Variants in DPP6 observed in about 807,000 individuals in gnomAD.
DPP6 encodes the protein dipeptidyl peptidase like 6, also known as A-type potassium channel modulatory protein DPP6.
In DPP6, 69 loss-of-function variants were observed where a neutral mutation model predicts 122.6. The observed-to-expected ratio is 0.56, with a 90% confidence interval of 0.46 to 0.69. DPP6 has a LOEUF of 0.69. Among genes scored for constraint, DPP6 ranks in the 30% least tolerant of loss-of-function variants. The pLI, the probability that DPP6 is intolerant of heterozygous loss-of-function variation, is 0.00. For synonymous variants in DPP6, 418 were observed against 433.1 expected (o/e 0.97, Z 0.43); for missense variants, 928 against 1,116.9 (o/e 0.83, Z 2.41).
At chr7:154,779,477 A>C (rs530513127) in intron 10 of DPP6, among the ~76,000 whole-genome samples, 10 of 152,248 alleles carry the variant, frequency 6.6e-5, no homozygotes, top group African/African-American at 2.4e-4. Flanking sequence ...AACCTGTCAC[A>C]TTTACAATGA....
intron 3 of DPP6, 38 bp from the exon 4 acceptor site, chr7:154,540,493 GA>G (rs1417152025): frequency 7.9e-7 from 1 of 1,267,650 alleles, no homozygotes; most frequent in Non-Finnish European, 1.1e-6. Flanking sequence ...AGAGTTCCTT[GA>G]TGTTTCATGT....
intron 1 of DPP6, among the ~76,000 whole-genome samples, chr7:154,294,715 T>C (rs1805422246): frequency 6.6e-6 from 1 of 151,816 alleles, no homozygotes; most frequent in African/African-American, 2.4e-5. Flanking sequence ...GAAGAGGACT[T>C]GGAGCCCCAG....
rs986758846 is a variant in DPP6 at position 154,151,926 on chromosome 7, T to C, written c.243+98863T>C. On this transcript the variant is annotated intron_variant, in intron 1 of 25. Transcript: ENST00000377770. ...CCATCACCTTTGAGCATCACCTGCC[T>C]ACGAGATCAACCCCACACATTTGAG... Among the ~76,000 whole-genome samples, 649 of 142,186 alleles carry C rather than the reference T, an allele frequency of 4.6e-3. 5 individuals carry two copies. The highest frequency in any genetic ancestry group is 9.1e-3 in the African/African-American group (352 of 38,770). 93.3% of individuals were successfully genotyped at this position (142,186 alleles called of 152,430 possible). A position where few individuals can be genotyped will look rare whatever the true frequency, so the allele number is the denominator to read the frequency against.
At chr7:154,246,496 C>G (rs1801994084) in intron 1 of DPP6, among the ~76,000 whole-genome samples, 1 of 152,012 alleles carries the variant, frequency 6.6e-6, no homozygotes, top group Non-Finnish European at 1.5e-5. Flanking sequence ...AATACAAGGT[C>G]AACGAAAATT....
Position 154,582,818 on chromosome 7 carries a change from G to T in DPP6, c.627+15902G>T, listed in dbSNP as rs139349967. Among the ~76,000 whole-genome samples the T allele has an allele frequency of 1.4e-4, 22 of 152,288 alleles. 1 individual carries two copies. In the East Asian group the frequency reaches 4.2e-3, roughly 29 times the overall value. Reference sequence around the variant, plus strand: ...CCCCTCCCCACTCACTCTTCCGTGTGTCTCCCACAGAGTGGAATGAGTGCT... The same window carrying T: ...CCCCTCCCCACTCACTCTTCCGTGTTTCTCCCACAGAGTGGAATGAGTGCT... On this transcript the variant is annotated intron_variant, in intron 5 of 25. Coordinates refer to ENST00000377770, the MANE Select transcript of DPP6 (RefSeq NM_130797.4).
intron 1 of DPP6, among the ~76,000 whole-genome samples, chr7:154,061,297 T>C (rs1390600380): frequency 6.7e-6 from 1 of 148,774 alleles, no homozygotes; most frequent in Non-Finnish European, 1.5e-5. Flanking sequence ...CAAGAAAATC[T>C]TCTGGCAGCC....
chr7:154,427,400 TTTTTCC>T (rs1012132230), intron 1 of DPP6, among the ~76,000 whole-genome samples: 1 of 152,208 alleles, frequency 6.6e-6, no homozygotes, highest in Non-Finnish European at 1.5e-5. Flanking sequence ...GTAGGCTTTC[TTTTTCC>T]TTAGAAATGA....
chr7:154,383,429 T>C (rs1813802628), intron 1 of DPP6, among the ~76,000 whole-genome samples: 1 of 152,236 alleles, frequency 6.6e-6, no homozygotes, highest in African/African-American at 2.4e-5. Flanking sequence ...TTGCAAAACA[T>C]TGTTTAATAT....
At chr7:154,720,337 C>T (rs937217801) in intron 7 of DPP6, among the ~76,000 whole-genome samples, 4 of 152,188 alleles carry the variant, frequency 2.6e-5, no homozygotes, top group East Asian at 3.8e-4. Context: ...GAAAAGCCTG[C>T]GAGTGTCCCC....
intron 1 of DPP6, among the ~76,000 whole-genome samples, chr7:154,029,992 T>C (rs1354923154): frequency 3.3e-5 from 5 of 152,172 alleles, no homozygotes; most frequent in Admixed American, 1.3e-4. Flanking sequence ...GGCCAGGTGT[T>C]TGAAACCAGC....
rs191702456 is a variant in DPP6 at position 154,422,811 on chromosome 7, A to G, written c.244-23403A>G. On this transcript the variant is annotated intron_variant, in intron 1 of 25. Transcript: ENST00000377770. The stretch of plus-strand genomic sequence containing the variant: ...CCTTTAAAAGCATAGCAATGGTAAC[A>G]TAGAGTATCGGCCAGGCAACAACAT... Among the ~76,000 whole-genome samples, 83 of 152,328 alleles carry G rather than the reference A, an allele frequency of 5.4e-4. No individual in the cohort carries two copies. The East Asian group carries it at 0.013, about 24-fold the overall frequency.
intron 5 of DPP6, among the ~76,000 whole-genome samples, chr7:154,612,071 T>G (rs1833945137): frequency 6.6e-6 from 1 of 152,210 alleles, no homozygotes; most frequent in Non-Finnish European, 1.5e-5. Flanking sequence ...AAAAACAGCT[T>G]GAGTCTGTGA....
chr7:154,056,316 A>C (rs889762707), intron 1 of DPP6, among the ~76,000 whole-genome samples: 1 of 152,190 alleles, frequency 6.6e-6, no homozygotes, highest in Non-Finnish European at 1.5e-5. Flanking sequence ...TGAGGAATCA[A>C]TAGCCCTTCT....
chr7:154,656,500 C>T (rs12532106), intron 6 of DPP6, among the ~76,000 whole-genome samples: 10,086 of 134,052 alleles, frequency 0.075, 799 homozygotes, highest in African/African-American at 0.15. Context: ...AGGCCCAGCA[C>T]GGGGAGGCCA....
intron 5 of DPP6, among the ~76,000 whole-genome samples, chr7:154,582,977 A>G (rs373334685): frequency 6.6e-6 from 1 of 152,184 alleles, no homozygotes; most frequent in Admixed American, 6.5e-5. Context: ...AGGTTTCTGC[A>G]GTGCCAGGGA....
chr7:154,240,855 A>T (rs1362923003), intron 1 of DPP6, among the ~76,000 whole-genome samples: 1 of 152,178 alleles, frequency 6.6e-6, no homozygotes, highest in Non-Finnish European at 1.5e-5. Context: ...TTTATGTAGG[A>T]TAGACAGTGA....
intron 1 of DPP6, among the ~76,000 whole-genome samples, chr7:154,005,160 A>G (rs1417437020): frequency 7.0e-6 from 1 of 143,164 alleles, no homozygotes; most frequent in Non-Finnish European, 1.5e-5. Context: ...AGCCAAGACT[A>G]TCTGAAAAGG....
chr7:154,549,728 G>A (rs1306147997), intron 4 of DPP6, among the ~76,000 whole-genome samples: 1 of 152,138 alleles, frequency 6.6e-6, no homozygotes, highest in African/African-American at 2.4e-5. Flanking sequence ...CCCTGAGTGG[G>A]GAGAACAAAC....
intron 1 of DPP6, among the ~76,000 whole-genome samples, chr7:154,043,154 A>C (rs1341894145): frequency 6.6e-6 from 1 of 152,040 alleles, no homozygotes; most frequent in Non-Finnish European, 1.5e-5. Flanking sequence ...TTGGGAGGCC[A>C]AGGTGGGCGA....
Sources: gnomAD v4.1 joint callset for allele counts (sites outside exome capture counted in the v4.1 genomes callset) on GRCh38, gnomAD v4.1.1 for gene constraint, MANE v1.5 for transcripts, NCBI Gene and HGNC (gene_info 2026-07-23, HGNC 2026-07-21) for gene names.